The following ADRA2C variants were observed in gnomAD, a reference collection of about 807,000 sequenced individuals.
ADRA2C encodes adrenoceptor alpha 2C.
A neutral mutation model predicts 7.9 loss-of-function variants in ADRA2C; 4 were observed. That is an observed-to-expected ratio of 0.51 (90% CI 0.25 to 1.16). ADRA2C has a LOEUF of 1.16. ADRA2C is among the 50% of genes most tolerant of loss of function. The pLI is 0.15. For missense variants in ADRA2C, 589 were observed against 677.7 expected (o/e 0.87, Z 1.45); for synonymous variants, 368 against 328.9 (o/e 1.12, Z -1.29).
Position 3,768,082 on chromosome 4 carries a change from C to CCGGGGAGCTCTCCCAGAGACA in ADRA2C, c.*93_*94insGCTCTCCCAGAGACACGGGGA. Reference sequence around the variant, plus strand: ...CGGACGGGGGAGCTTTCCCAGAGACCCGGGGATGGATTGGCCTCCAGGGCG... The same window carrying CCGGGGAGCTCTCCCAGAGACA: ...CGGACGGGGGAGCTTTCCCAGAGACCCGGGGAGCTCTCCCAGAGACACGGGGATGGATTGGCCTCCAGGGCG... On this transcript the variant is annotated 3_prime_UTR_variant, in exon 1 of 1. Coordinates refer to ENST00000330055, the MANE Select transcript of ADRA2C (RefSeq NM_000683.4). The CCGGGGAGCTCTCCCAGAGACA allele has an allele frequency of 7.4e-7, 1 of 1,346,702 alleles. No homozygotes were observed. Among genetic ancestry groups the CCGGGGAGCTCTCCCAGAGACA allele is most frequent in the Non-Finnish European group, 1.0e-6 (1 of 975,110 alleles). The allele number at this position is 1,346,702 out of a possible 1,614,324, so 83.4% of individuals were successfully genotyped here. A position where few individuals can be genotyped will look rare whatever the true frequency, so the allele number is the denominator to read the frequency against.
chr4:3,767,694 C>T lies in ADRA2C; in HGVS notation c.1088C>T (p.Ala363Val), dbSNP rs1026515425. 2.5e-6 allele frequency: 4 copies of T among 1,599,302 alleles called. No individual in the cohort carries two copies. Among genetic ancestry groups the T allele is most frequent in the Non-Finnish European group, 3.4e-6 (4 of 1,174,400 alleles). ...VEFFLSRRRR[A>V]RSSVCRRKVA... is the part of the protein sequence containing the mutation. Reference sequence around the variant, plus strand: ...TTCTTCCTGTCGCGCCGGCGCCGGGCGCGCAGCAGCGTGTGCCGCCGCAAG... The same window carrying T: ...TTCTTCCTGTCGCGCCGGCGCCGGGTGCGCAGCAGCGTGTGCCGCCGCAAG... The change falls in exon 1 of 1, where the codon GCG becomes GTG. Residue 363 changes from alanine to valine, a missense_variant. Ala to Val is a moderately conservative substitution (Grantham distance 64). Coordinates refer to ENST00000330055, the MANE Select transcript of ADRA2C (RefSeq NM_000683.4).
In ADRA2C at chr4:3,767,515, G is replaced by T; in HGVS notation, c.909G>T (p.Arg303=). The T allele has an allele frequency of 9.7e-7, 1 of 1,025,782 alleles. No individual in the cohort carries two copies. Among genetic ancestry groups the T allele is most frequent in the African/African-American group, 1.7e-5 (1 of 57,906 alleles). The allele number at this position is 1,025,782 out of a possible 1,614,324, so 63.5% of individuals were successfully genotyped here. A position where few individuals can be genotyped will look rare whatever the true frequency, so the allele number is the denominator to read the frequency against. ...GGCGGCGCCGGGGCGCGTTGCGGCGGGGCGGGCGGCGGCGAGCGGGCGCGG... is the reference window on the plus strand; with the variant it reads ...GGCGGCGCCGGGGCGCGTTGCGGCGTGGCGGGCGGCGGCGAGCGGGCGCGG... ...ERRRRRGALR[R]GGRRRAGAEG... The change falls in exon 1 of 1, where the codon CGG becomes CGT. Residue 303 remains arginine (R), a synonymous_variant. Transcript: ENST00000330055.
At position 3,767,694 on chromosome 4, in the gene ADRA2C, C is replaced by A. The variant is rs1026515425; in HGVS notation, c.1088C>A (p.Ala363Glu). 18 of 1,599,190 alleles carry A rather than the reference C, an allele frequency of 1.1e-5. No homozygotes were observed. The highest frequency in any genetic ancestry group is 1.5e-5 in the Non-Finnish European group (18 of 1,174,408). ...TTCTTCCTGTCGCGCCGGCGCCGGG[C>A]GCGCAGCAGCGTGTGCCGCCGCAAG... ...VEFFLSRRRR[A>E]RSSVCRRKVA... Residue 363 changes from alanine (A) to glutamate (E), a missense_variant, in exon 1 of 1, where the codon GCG becomes GAG. Physicochemically the swap from Ala to Glu is moderately radical, Grantham distance 107. Coordinates refer to ENST00000330055, the MANE Select transcript of ADRA2C (RefSeq NM_000683.4).
In ADRA2C at chr4:3,767,147, G is replaced by C; in HGVS notation, c.541G>C (p.Val181Leu). 2 of 1,608,182 alleles carry C rather than the reference G, an allele frequency of 1.2e-6. No individual in the cohort carries two copies. Among genetic ancestry groups the C allele is most frequent in the Non-Finnish European group, 1.7e-6 (2 of 1,179,556 alleles). The part of the protein sequence containing the change: ...TIVAVWLISA[V>L]ISFPPLVSLY... ...CGTGGCCGTGTGGCTCATCTCGGCCGTCATCTCCTTCCCGCCGCTGGTCTC... is the reference window on the plus strand; with the variant it reads ...CGTGGCCGTGTGGCTCATCTCGGCCCTCATCTCCTTCCCGCCGCTGGTCTC... The change falls in exon 1 of 1, where the codon GTC (valine) becomes CTC (leucine). Residue 181 changes from valine to leucine, a missense_variant. By Grantham distance (32) the Val-to-Leu change is conservative (BLOSUM62 1). Transcript: ENST00000330055.
chr4:3,768,268 G>A lies in ADRA2C; in HGVS notation c.*273G>A, dbSNP rs1185603502. On this transcript the variant is annotated 3_prime_UTR_variant, in exon 1 of 1. Coordinates refer to ENST00000330055, the MANE Select transcript of ADRA2C (RefSeq NM_000683.4). ...AGCTCTGGGAGCCCTGCCGAGGTGT[G>A]GCTGTGAGGTCAGGGTTTTAGAGAG... 1 of 717,464 alleles carries A rather than the reference G, an allele frequency of 1.4e-6. No homozygotes were observed. Among genetic ancestry groups the A allele is most frequent in the African/African-American group, 1.7e-5 (1 of 57,404 alleles). The allele number at this position is 717,464 out of a possible 1,614,324, so 44.4% of individuals were successfully genotyped here.
Position 3,767,990 on chromosome 4 carries a change from C to G in ADRA2C, c.1384C>G (p.Gln462Glu). The G allele has an allele frequency of 6.2e-7, 1 of 1,604,494 alleles. No individual in the cohort carries two copies. Among genetic ancestry groups the G allele is most frequent in the East Asian group, 2.2e-5 (1 of 44,800 alleles). Residue 462 changes from glutamine (Q) to glutamate (E), a missense_variant, in exon 1 of 1, where the codon CAG becomes GAG. Gln to Glu is a conservative substitution (Grantham distance 29). Transcript: ENST00000330055. Reference sequence around the variant, plus strand: ...CCGACGGAGGAGAAGGGGCTTCAGGCAGTGACTCGCACCCGTCTGGGAATC... The same window carrying G: ...CCGACGGAGGAGAAGGGGCTTCAGGGAGTGACTCGCACCCGTCTGGGAATC... ...LFRRRRRGFR[Q>E]
chr4:3,767,740 G>A lies in ADRA2C; in HGVS notation c.1134G>A (p.Lys378=). 6.2e-7 allele frequency: 1 copy of A among 1,612,660 alleles called. No homozygotes were observed. The highest frequency in any genetic ancestry group is 1.3e-5 in the African/African-American group (1 of 75,052). ...GCAAGGTGGCCCAGGCGCGCGAGAA[G>A]CGCTTCACCTTTGTGCTGGCTGTGG... ...CRRKVAQARE[K]RFTFVLAVVM... is the part of the protein sequence containing the mutation. The change falls in exon 1 of 1, where the codon AAG becomes AAA. Residue 378 remains lysine, a synonymous_variant. Transcript: ENST00000330055.
chr4:3,767,386 C>G lies in ADRA2C; in HGVS notation c.780C>G (p.Thr260=). The change falls in exon 1 of 1, where the codon ACC becomes ACG. Residue 260 remains threonine (T), a synonymous_variant. Coordinates refer to ENST00000330055, the MANE Select transcript of ADRA2C (RefSeq NM_000683.4). ...GCCCCGACGGTGCGTCCCCGACTACCGAAAACGGGCTGGGCGCGGCGGCAG... is the reference window on the plus strand; with the variant it reads ...GCCCCGACGGTGCGTCCCCGACTACGGAAAACGGGCTGGGCGCGGCGGCAG... The part of the protein sequence containing the change: ...PVGPDGASPT[T]ENGLGAAAGA... 6.5e-7 allele frequency: 1 copy of G among 1,537,002 alleles called. No homozygotes were observed. Among genetic ancestry groups the G allele is most frequent in the African/African-American group, 1.4e-5 (1 of 73,046 alleles).
At position 3,766,706 on chromosome 4, in the gene ADRA2C, G is replaced by T; in HGVS notation, c.100G>T (p.Ala34Ser). The change falls in exon 1 of 1, where the codon GCC (alanine) becomes TCC (serine). Residue 34 changes from alanine (A) to serine (S), a missense_variant. Ala to Ser is a moderately conservative substitution (Grantham distance 99, BLOSUM62 1). Transcript: ENST00000330055. This position sits in a 1 kb window ranked among gnomAD's most constrained non-coding sequence, Gnocchi z 4.5. ...GERGSGGVAN[A>S]SGASWGPPRG... ...GAGGGGCAGCGGCGGGGTTGCCAAT[G>T]CCTCGGGGGCTTCCTGGGGGCCGCC... is the stretch of plus-strand genomic sequence containing the variant. 1.4e-6 allele frequency: 2 copies of T among 1,444,630 alleles called. No individual in the cohort carries two copies. Among genetic ancestry groups the T allele is most frequent in the Non-Finnish European group, 9.1e-7 (1 of 1,101,394 alleles). 89.5% of individuals were successfully genotyped at this position (1,444,630 alleles called of 1,614,324 possible).
In ADRA2C at chr4:3,768,382, T is replaced by A; in HGVS notation, c.*387T>A. ...CATCCCCGTCTGACCAAGGGCTGACTTCTCCAGGACCTAGTCGGGGGGTGG... is the reference window on the plus strand; with the variant it reads ...CATCCCCGTCTGACCAAGGGCTGACATCTCCAGGACCTAGTCGGGGGGTGG... On this transcript the variant is annotated 3_prime_UTR_variant, in exon 1 of 1. Transcript: ENST00000330055. 4.4e-6 allele frequency: 3 copies of A among 686,776 alleles called. No homozygotes were observed. In the South Asian group the frequency reaches 4.8e-5, roughly 11 times the overall value. 42.5% of individuals were successfully genotyped at this position (686,776 alleles called of 1,614,324 possible).
rs1560345820 is a variant in ADRA2C, at chr4:3,768,027, C to A, written c.*32C>A. The A allele has an allele frequency of 7.2e-7, 1 of 1,389,410 alleles. No individual in the cohort carries two copies. The allele number at this position is 1,389,410 out of a possible 1,614,324, so 86.1% of individuals were successfully genotyped here. ...CCCGTCTGGGAATCCTGGACAGCTC[C>A]GCGCTCGGGGCTGGGCAGAAGGGGC... On this transcript the variant is annotated 3_prime_UTR_variant, in exon 1 of 1. Coordinates refer to ENST00000330055, the MANE Select transcript of ADRA2C (RefSeq NM_000683.4).
rs533319033 is a variant in ADRA2C at position 3,767,972 on chromosome 4, A to G, written c.1366A>G (p.Arg456Gly). The change falls in exon 1 of 1, where the codon AGG becomes GGG. Residue 456 changes from arginine to glycine, a missense_variant. Transcript: ENST00000330055. ...RSFKHILFRR[R>G]RRGFRQ is the part of the protein sequence containing the mutation. ...CTTTAAGCACATCCTCTTCCGACGGAGGAGAAGGGGCTTCAGGCAGTGACT... is the reference window on the plus strand; with the variant it reads ...CTTTAAGCACATCCTCTTCCGACGGGGGAGAAGGGGCTTCAGGCAGTGACT... 3.7e-6 allele frequency: 6 copies of G among 1,608,350 alleles called. No homozygotes were observed. The African/African-American group carries it at 5.3e-5, about 14-fold the overall frequency.
Position 3,768,038 on chromosome 4 carries a change from C to A in ADRA2C, c.*43C>A, listed in dbSNP as rs766859232. ...ATCCTGGACAGCTCCGCGCTCGGGG[C>A]TGGGCAGAAGGGGCGGCCCGGACGG... On this transcript the variant is annotated 3_prime_UTR_variant, in exon 1 of 1. Transcript: ENST00000330055. The A allele has an allele frequency of 8.3e-6, 5 of 599,400 alleles. No individual in the cohort carries two copies. Among genetic ancestry groups the A allele is most frequent in the Non-Finnish European group, 2.5e-6 (1 of 393,058 alleles). 37.1% of individuals were successfully genotyped at this position (599,400 alleles called of 1,614,324 possible).
Position 3,767,086 on chromosome 4 carries a change from C to T in ADRA2C, c.480C>T (p.Asn160=). The T allele has an allele frequency of 6.2e-7, 1 of 1,610,258 alleles. No homozygotes were observed. The highest frequency in any genetic ancestry group is 1.1e-5 in the South Asian group (1 of 91,074). The change falls in exon 1 of 1, where the codon AAC becomes AAT. Residue 160 remains asparagine, a synonymous_variant. Transcript: ENST00000330055. ...CGGTGACGCAGGCCGTCGAGTACAACCTGAAGCGCACACCACGCCGCGTCA... is the reference window on the plus strand; with the variant it reads ...CGGTGACGCAGGCCGTCGAGTACAATCTGAAGCGCACACCACGCCGCGTCA... ...YWSVTQAVEY[N]LKRTPRRVKA...
chr4:3,767,783 C>A lies in ADRA2C; in HGVS notation c.1177C>A (p.Leu393Ile), dbSNP rs928385959. The A allele has an allele frequency of 9.3e-6, 15 of 1,613,164 alleles. No homozygotes were observed. Among genetic ancestry groups the A allele is most frequent in the Admixed American group, 6.7e-5 (4 of 60,002 alleles). Residue 393 changes from leucine (L) to isoleucine (I), a missense_variant, in exon 1 of 1, where the codon CTC (leucine) becomes ATC (isoleucine). Leu to Ile is a conservative substitution (Grantham distance 5, BLOSUM62 2). Transcript: ENST00000330055. Reference protein sequence around the residue: ...VLAVVMGVFVLCWFPFFFSYS... With the variant: ...VLAVVMGVFVICWFPFFFSYS... The stretch of plus-strand genomic sequence containing the variant: ...GGCTGTGGTCATGGGCGTGTTCGTG[C>A]TCTGCTGGTTCCCCTTCTTCTTCAG...
Position 3,767,647 on chromosome 4 carries a change from C to A in ADRA2C, c.1041C>A (p.Arg347=). 1 of 1,410,348 alleles carries A rather than the reference C, an allele frequency of 7.1e-7. No individual in the cohort carries two copies. The highest frequency in any genetic ancestry group is 1.6e-5 in the South Asian group (1 of 63,942). The allele number at this position is 1,410,348 out of a possible 1,614,324, so 87.4% of individuals were successfully genotyped here. ...CGGGGCCCGGTGGCCGCCTGTCGCG[C>A]GCCAGCTCGCGCTCCGTCGAGTTCT... The part of the protein sequence containing the change: ...RSPGPGGRLS[R]ASSRSVEFFL... The change falls in exon 1 of 1, where the codon CGC becomes CGA. Residue 347 remains arginine (R), a synonymous_variant. Coordinates refer to ENST00000330055, the MANE Select transcript of ADRA2C (RefSeq NM_000683.4).
Position 3,767,378 on chromosome 4 carries a change from C to T in ADRA2C, c.772C>T (p.Pro258Ser). The change falls in exon 1 of 1, where the codon CCG (proline) becomes TCG (serine). Residue 258 changes from proline (P) to serine (S), a missense_variant. Transcript: ENST00000330055. ...CCCCGTGGGCCCCGACGGTGCGTCC[C>T]CGACTACCGAAAACGGGCTGGGCGC... ...RAPVGPDGAS[P>S]TTENGLGAAA... 6.5e-7 allele frequency: 1 copy of T among 1,538,904 alleles called. No individual in the cohort carries two copies. The highest frequency in any genetic ancestry group is 8.7e-7 in the Non-Finnish European group (1 of 1,146,378).
In ADRA2C at chr4:3,768,498, T is replaced by C. The variant is rs1247157260; in HGVS notation, c.*503T>C. ...AAAACAACAGCCAAAACAACCAAAC[T>C]ATTTTCTAAATAAACCTTTGTAATC... On this transcript the variant is annotated 3_prime_UTR_variant, in exon 1 of 1. Transcript: ENST00000330055. 1 of 583,968 alleles carries C rather than the reference T, an allele frequency of 1.7e-6. No homozygotes were observed. The highest frequency in any genetic ancestry group is 3.0e-5 in the East Asian group (1 of 33,334). The allele number at this position is 583,968 out of a possible 1,614,324, so 36.2% of individuals were successfully genotyped here. A position where few individuals can be genotyped will look rare whatever the true frequency, so the allele number is the denominator to read the frequency against.
At position 3,767,458 on chromosome 4, in the gene ADRA2C, G is replaced by A; in HGVS notation, c.852G>A (p.Glu284=). ...GHCAPPPADV[E]PDESSAAAER... The stretch of plus-strand genomic sequence containing the variant: ...GCGCGCCCCCGCCCGCCGACGTGGA[G>A]CCGGACGAGAGCAGCGCAGCGGCCG... The change falls in exon 1 of 1, where the codon GAG becomes GAA. Residue 284 remains glutamate (E), a synonymous_variant. Coordinates refer to ENST00000330055, the MANE Select transcript of ADRA2C (RefSeq NM_000683.4). 1 of 1,485,250 alleles carries A rather than the reference G, an allele frequency of 6.7e-7. No individual in the cohort carries two copies. The highest frequency in any genetic ancestry group is 8.9e-7 in the Non-Finnish European group (1 of 1,128,898). The allele number at this position is 1,485,250 out of a possible 1,614,324, so 92.0% of individuals were successfully genotyped here.
Sources: allele counts gnomAD v4.1 joint callset, GRCh38; gene constraint gnomAD v4.1.1; non-coding constraint Gnocchi (gnomAD v3.1); transcripts MANE v1.5; gene names NCBI Gene and HGNC (gene_info 2026-07-23, HGNC 2026-07-21).